PID1: variants seen among roughly 807,000 people sequenced by gnomAD.
PID1 encodes the protein PTB-containing, cubilin and LRP1-interacting protein.
PID1 carries 10 observed loss-of-function variants against 19.1 expected under a neutral mutation model. The ratio of observed to expected loss-of-function variants is 0.52; its 90% CI spans 0.32 to 0.89. PID1 has a LOEUF of 0.89. PID1 is among the 40% of genes least tolerant of loss of function. The pLI is 0.03. For missense variants in PID1, 248 were observed against 285.3 expected (o/e 0.87, Z 0.94); for synonymous variants, 130 against 116.0 (o/e 1.12, Z -0.78).
rs1401697580 is a variant in PID1, at chr2:229,054,732, G to C, written c.178-28624C>G. 6.8e-5 allele frequency among the ~76,000 whole-genome samples: 7 copies of C among 102,676 alleles called. No homozygotes were observed. In the East Asian group the frequency reaches 2.2e-3, roughly 32 times the overall value. The allele number at this position is 102,676 out of a possible 152,430, so 67.4% of individuals were successfully genotyped here. A position where few individuals can be genotyped will look rare whatever the true frequency, so the allele number is the denominator to read the frequency against. On this transcript the variant is annotated intron_variant, in intron 2 of 2. Transcript: ENST00000392055. ...TGTGTGTGTGTGTGGGGGGGGGGGG[G>C]GGTCTGGTTTTACTCAATTTGTACA...
At chr2:229,211,800 C>T (rs1691739401) in intron 1 of PID1, among the ~76,000 whole-genome samples, 1 of 152,214 alleles carries the variant, frequency 6.6e-6, no homozygotes, top group Non-Finnish European at 1.5e-5. Flanking sequence ...CACAACACAG[C>T]TATACACATC....
At chr2:229,219,449 C>T (rs1008368060) in intron 1 of PID1, among the ~76,000 whole-genome samples, 1 of 152,210 alleles carries the variant, frequency 6.6e-6, no homozygotes, top group Admixed American at 6.5e-5. Flanking sequence ...AAGAAGGAAA[C>T]CGCCCCCATG....
chr2:229,142,459 C>A (rs1690035678), intron 2 of PID1, among the ~76,000 whole-genome samples: 1 of 152,026 alleles, frequency 6.6e-6, no homozygotes, highest in Non-Finnish European at 1.5e-5. Flanking sequence ...AGGAAAAAAT[C>A]AATGAGAGAG....
chr2:229,161,630 C>G lies in PID1; in HGVS notation c.31-5666G>C, dbSNP rs568849613. Among the ~76,000 whole-genome samples, 6 of 152,288 alleles carry G rather than the reference C, an allele frequency of 3.9e-5. No homozygotes were observed. The South Asian group carries it at 1.2e-3, about 32-fold the overall frequency. ...CTTGTACTTATTTGAATAGACTAAACCTTAATGATAAAGTACCAATAATCT... is the reference window on the plus strand; with the variant it reads ...CTTGTACTTATTTGAATAGACTAAAGCTTAATGATAAAGTACCAATAATCT... On this transcript the variant is annotated intron_variant, in intron 1 of 2. Coordinates refer to ENST00000392055, the MANE Select transcript of PID1 (RefSeq NM_001100818.2).
chr2:229,227,063 C>A (rs571656757), intron 1 of PID1, among the ~76,000 whole-genome samples: 1 of 152,108 alleles, frequency 6.6e-6, no homozygotes, highest in Admixed American at 6.6e-5. Context: ...AACAAATAAA[C>A]GCAAACTAAA....
rs780959977 is a variant in PID1 at position 229,232,052 on chromosome 2, C to T, written c.30+38962G>A. On this transcript the variant is annotated intron_variant, in intron 1 of 2. Coordinates refer to ENST00000392055, the MANE Select transcript of PID1 (RefSeq NM_001100818.2). ...GTGGAAGGCTAAGGGGCAGGCTGAA[C>T]ATGGCACGAAGCCTCTTGTACAAGG... The T allele has an allele frequency of 1.3e-5, 20 of 1,541,702 alleles. 1 individual carries two copies. The South Asian group carries it at 1.8e-4, about 14-fold the overall frequency.
chr2:229,056,574 C>A (rs1694105100), intron 2 of PID1, among the ~76,000 whole-genome samples: 1 of 151,180 alleles, frequency 6.6e-6, no homozygotes, highest in Admixed American at 6.6e-5. Flanking sequence ...AAACATATTT[C>A]TCTTTGACTA....
At chr2:229,137,682 A>G (rs1689884597) in intron 2 of PID1, among the ~76,000 whole-genome samples, 1 of 152,252 alleles carries the variant, frequency 6.6e-6, no homozygotes, top group Admixed American at 6.5e-5. Flanking sequence ...AGACTCTTCT[A>G]CTTAGAAGTG....
intron 1 of PID1, among the ~76,000 whole-genome samples, chr2:229,203,527 T>A (rs2106242675): frequency 6.6e-6 from 1 of 152,252 alleles, no homozygotes; most frequent in Admixed American, 6.5e-5. Flanking sequence ...CCATTGACAA[T>A]GTTAAGTGAA....
chr2:229,063,485 G>A (rs115754770), intron 2 of PID1, among the ~76,000 whole-genome samples: 2,362 of 152,156 alleles, frequency 0.016, 68 homozygotes, highest in African/African-American at 0.053. Context: ...GGTCAGAACA[G>A]TTACCTGATA....
intron 2 of PID1, among the ~76,000 whole-genome samples, chr2:229,042,494 TG>T (rs1336055427): frequency 6.6e-6 from 1 of 152,182 alleles, no homozygotes; most frequent in Non-Finnish European, 1.5e-5. Context: ...CACCCTCTCA[TG>T]CTGGCTGGAT....
intron 2 of PID1, among the ~76,000 whole-genome samples, chr2:229,151,421 C>G (rs1187949434): frequency 6.6e-6 from 1 of 152,206 alleles, no homozygotes; most frequent in African/African-American, 2.4e-5. Context: ...GGGGCTACAC[C>G]TGGCACTTAA....
chr2:229,144,408 C>T (rs574381255), intron 2 of PID1, among the ~76,000 whole-genome samples: 4 of 152,050 alleles, frequency 2.6e-5, no homozygotes, highest in Non-Finnish European at 5.9e-5. Context: ...AGCTGGGGAA[C>T]ATATTGATAG....
intron 1 of PID1, among the ~76,000 whole-genome samples, chr2:229,252,908 G>A (rs993998723): frequency 6.6e-6 from 1 of 152,162 alleles, no homozygotes; most frequent in Non-Finnish European, 1.5e-5. Context: ...AAGGGGGTAG[G>A]GGGTGCCAAG....
At chr2:229,073,463 C>A (rs773328404) in intron 2 of PID1, among the ~76,000 whole-genome samples, 1 of 152,182 alleles carries the variant, frequency 6.6e-6, no homozygotes, top group South Asian at 2.1e-4. Context: ...TGAATTGCCA[C>A]GCTCTACGCT....
intron 2 of PID1, among the ~76,000 whole-genome samples, chr2:229,098,108 T>A (rs968117715): frequency 3.3e-5 from 5 of 152,232 alleles, no homozygotes; most frequent in Non-Finnish European, 4.4e-5. Flanking sequence ...AGAGTGCTCC[T>A]GCTGCAGTAG....
At position 229,113,449 on chromosome 2, in the gene PID1, CAA is replaced by C. The variant is rs1471752241; in HGVS notation, c.177+42367_177+42368del. 5.2e-3 allele frequency among the ~76,000 whole-genome samples: 163 copies of C among 31,174 alleles called. 1 individual carries two copies. Among genetic ancestry groups the C allele is most frequent in the Middle Eastern group, 0.014 (1 of 74 alleles). The allele number at this position is 31,174 out of a possible 152,430, so 20.5% of individuals were successfully genotyped here. A position where few individuals can be genotyped will look rare whatever the true frequency, so the allele number is the denominator to read the frequency against. On this transcript the variant is annotated intron_variant, in intron 2 of 2. Coordinates refer to ENST00000392055, the MANE Select transcript of PID1 (RefSeq NM_001100818.2). ...ACACACATACATATATATACACACA[CAA>C]ACACACACACACATAGATATGTGTG...
chr2:229,056,559 T>TA (rs11290872), intron 2 of PID1, among the ~76,000 whole-genome samples: 3 of 150,986 alleles, frequency 2.0e-5, no homozygotes, highest in South Asian at 2.1e-4. Flanking sequence ...TTTCAAAAAG[T>TA]AAAAAAACAT....
At chr2:229,159,683 C>T (rs1376248067) in intron 1 of PID1, among the ~76,000 whole-genome samples, 1 of 152,172 alleles carries the variant, frequency 6.6e-6, no homozygotes, top group Non-Finnish European at 1.5e-5. Context: ...TTACAGCCAC[C>T]TTGTAGAATA....
Sources: allele counts gnomAD v4.1 joint callset (sites outside exome capture counted in the v4.1 genomes callset), GRCh38; gene constraint gnomAD v4.1.1; transcripts MANE v1.5; gene names NCBI Gene and HGNC (gene_info 2026-07-23, HGNC 2026-07-21).